EMC3: variants seen among roughly 807,000 people sequenced by gnomAD.
The protein encoded by EMC3 is 30 kDa protein.
A neutral mutation model predicts 36.6 loss-of-function variants in EMC3; 13 were observed. That is an observed-to-expected ratio of 0.35 (90% CI 0.23 to 0.56). The LOEUF (loss-of-function observed/expected upper bound fraction) is 0.56, where lower values mean the gene tolerates loss of function less well. EMC3 is among the 20% of genes least tolerant of loss of function. The pLI, the probability that EMC3 is intolerant of heterozygous loss-of-function variation, is 0.84. For synonymous variants in EMC3, 120 were observed against 111.9 expected (o/e 1.07, Z -0.46); for missense variants, 220 against 324.5 (o/e 0.68, Z 2.47).
chr3:9,976,323 T>A (rs2085850010), intron 3 of EMC3, among the ~76,000 whole-genome samples: 1 of 152,060 alleles, frequency 6.6e-6, no homozygotes, highest in Non-Finnish European at 1.5e-5. Flanking sequence ...CCAGGCTGGT[T>A]TGAACTCCTG....
At chr3:10,004,988 A>G (rs1169745846) in intron 1 of EMC3, 1 of 152,248 alleles carries the variant, frequency 6.6e-6, no homozygotes, top group African/African-American at 2.4e-5. Flanking sequence ...ACCTCACTTG[A>G]CAAGGAGATA....
At chr3:9,986,472 G>A in intron 1 of EMC3, 35 bp downstream of exon 1, 1 of 1,607,836 alleles carries the variant, frequency 6.2e-7, no homozygotes, top group Non-Finnish European at 8.5e-7. Context: ...AGGTCACGGC[G>A]GTGTGAGGTA....
At chr3:10,008,196 G>C (rs2086284919) in intron 1 of EMC3, 3 of 359,838 alleles carry the variant, frequency 8.3e-6, no homozygotes. Context: ...TCCTGTGAGA[G>C]GGCACATTCC....
intron 1 of EMC3, among the ~76,000 whole-genome samples, chr3:10,010,613 T>C (rs1284640172): frequency 6.6e-6 from 1 of 152,200 alleles, no homozygotes; most frequent in Non-Finnish European, 1.5e-5. Context: ...CCCCACTCAG[T>C]GGCCAGCGTG....
At chr3:9,992,509 G>A (rs2086067248) in intron 1 of EMC3, among the ~76,000 whole-genome samples, 1 of 152,092 alleles carries the variant, frequency 6.6e-6, no homozygotes. Flanking sequence ...CAGATTGATG[G>A]GCATTTATAG....
At chr3:9,982,309 C>T (rs1401406808) in intron 1 of EMC3, among the ~76,000 whole-genome samples, 1 of 151,950 alleles carries the variant, frequency 6.6e-6, no homozygotes, top group Non-Finnish European at 1.5e-5. Context: ...GGCTGGAGTA[C>T]AGTGGCATGA....
At chr3:10,004,477 C>G (rs1216826157) in intron 1 of EMC3, 1 of 152,300 alleles carries the variant, frequency 6.6e-6, no homozygotes, top group Non-Finnish European at 1.5e-5. Flanking sequence ...GGTCCACTAT[C>G]AGACCACAGA....
Position 9,969,500 on chromosome 3 carries a change from C to T in EMC3, c.657+219G>A, listed in dbSNP as rs931269762. The T allele has an allele frequency of 6.3e-6, 9 of 1,429,322 alleles. No homozygotes were observed. The African/African-American group carries it at 1.3e-4, about 21-fold the overall frequency. The allele number at this position is 1,429,322 out of a possible 1,614,324, so 88.5% of individuals were successfully genotyped here. ...ATCATTGATAGTGTGGATTAAATTC[C>T]AGTGAGCATTTAAAAACCAGTAAAA... On this transcript the variant is annotated intron_variant, in intron 7 of 7. Coordinates refer to ENST00000245046, the MANE Select transcript of EMC3 (RefSeq NM_001394674.1).
chr3:9,995,024 A>C (rs1193956353), intron 1 of EMC3, among the ~76,000 whole-genome samples: 2 of 147,674 alleles, frequency 1.4e-5, no homozygotes, highest in Non-Finnish European at 3.0e-5. Flanking sequence ...GAACTTTTAA[A>C]ATGAAGATTT....
chr3:9,972,564 A>G (rs542101958), intron 5 of EMC3, among the ~76,000 whole-genome samples: 2 of 151,768 alleles, frequency 1.3e-5, no homozygotes, highest in Non-Finnish European at 2.9e-5. Context: ...TGAGGTCAGT[A>G]GTTCGAGACC....
At chr3:10,008,355 G>T in intron 1 of EMC3, 1 of 1,333,320 alleles carries the variant, frequency 7.5e-7, no homozygotes, top group Non-Finnish European at 1.0e-6. Context: ...GGGGCTCCAG[G>T]CACCAGGGCA....
chr3:9,971,271 G>C, intron 5 of EMC3, among the ~76,000 whole-genome samples: 1 of 152,160 alleles, frequency 6.6e-6, no homozygotes, highest in Middle Eastern at 3.2e-3. Context: ...ATACAGTACC[G>C]AGGACTATAG....
intron 6 of EMC3, 117 bp downstream of exon 6, chr3:9,970,465 G>A (rs755609307): frequency 8.5e-7 from 1 of 1,177,706 alleles, no homozygotes; most frequent in South Asian, 1.2e-5. Flanking sequence ...ACTTAAGGAA[G>A]GAAACATTTT....
At chr3:9,990,600 C>T (rs942235662), upstream of EMC3, among the ~76,000 whole-genome samples, 8 of 151,804 alleles carry the variant, frequency 5.3e-5, no homozygotes, top group African/African-American at 9.7e-5. Flanking sequence ...ACCTCTGGCC[C>T]CTGGGTTGAA....
At chr3:10,000,558 T>G (rs557378340) in intron 1 of EMC3, 1 of 294,598 alleles carries the variant, frequency 3.4e-6, no homozygotes, top group East Asian at 7.9e-5. Context: ...TGATTTCTGG[T>G]GTATGAGATC....
At chr3:10,003,164 A>G (rs1225718047) in intron 1 of EMC3, 1 of 456,594 alleles carries the variant, frequency 2.2e-6, no homozygotes, top group Non-Finnish European at 4.4e-6. Flanking sequence ...TTCTCCACCA[A>G]GAGCACCAGT....
At chr3:9,994,600 C>T (rs1264496531) in intron 1 of EMC3, among the ~76,000 whole-genome samples, 2 of 144,464 alleles carry the variant, frequency 1.4e-5, no homozygotes, top group African/African-American at 2.6e-5. Context: ...GACAGAGTTT[C>T]GTTCTTGTTG....
intron 1 of EMC3, among the ~76,000 whole-genome samples, chr3:9,982,906 A>T (rs1422586615): frequency 6.6e-6 from 1 of 151,944 alleles, no homozygotes; most frequent in Non-Finnish European, 1.5e-5. Context: ...AAAAGAAAAA[A>T]AAAGTTTTAC....
intron 1 of EMC3, chr3:10,005,019 C>A (rs2272120): frequency 6.6e-6 from 1 of 151,988 alleles, no homozygotes; most frequent in Non-Finnish European, 1.5e-5. Context: ...AGTTCATAGA[C>A]ACCATCTGAT....
Sources: gnomAD v4.1 joint callset for allele counts (sites outside exome capture counted in the v4.1 genomes callset) on GRCh38, gnomAD v4.1.1 for gene constraint, MANE v1.5 for transcripts, NCBI Gene and HGNC (gene_info 2026-07-23, HGNC 2026-07-21) for gene names.